The following SNX29 variants were observed in gnomAD, a reference collection of about 807,000 sequenced individuals.
SNX29 encodes the protein sorting nexin-29.
Under a neutral mutation model 102.1 loss-of-function variants are expected in SNX29, and 78 were observed. The ratio of observed to expected loss-of-function variants is 0.76; its 90% CI spans 0.64 to 0.92. The LOEUF is 0.92. Among genes scored for constraint, SNX29 ranks in the 40% least tolerant of loss-of-function variants. The probability of loss-of-function intolerance (pLI) is 0.00; values close to 1 mark genes in which losing one functional copy is unlikely to be tolerated. For synonymous variants in SNX29, 580 were observed against 414.5 expected, an observed-to-expected ratio of 1.40 and a Z score of -4.85; for missense variants, 1,280 against 1,061.7, an observed-to-expected ratio of 1.21 and a Z score of -2.86.
intron 11 of SNX29, among the ~76,000 whole-genome samples, chr16:12,117,371 T>C (rs1641856): frequency 1.3e-4 from 5 of 38,278 alleles, no homozygotes; most frequent in Middle Eastern, 0.013. Context: ...CGTGCTTCAG[T>C]GCGGACGAAC....
At chr16:12,375,354 T>C (rs1007752196) in intron 16 of SNX29, 1 of 152,232 alleles carries the variant, frequency 6.6e-6, no homozygotes, top group Non-Finnish European at 1.5e-5. Flanking sequence ...TGTAACAAAT[T>C]GTCCCAACAC....
chr16:12,568,471 C>A (rs2288422), intron 20 of SNX29, 35 bp from the exon 21 acceptor site: 7 of 1,605,020 alleles, frequency 4.4e-6, no homozygotes, highest in East Asian at 2.2e-5. Flanking sequence ...CTTTTCATCC[C>A]CAGACTTAAC....
intron 15 of SNX29, among the ~76,000 whole-genome samples, chr16:12,313,360 G>C (rs975573141): frequency 7.9e-5 from 12 of 152,168 alleles, no homozygotes; most frequent in African/African-American, 2.7e-4. Flanking sequence ...TGTCTGTGAA[G>C]TAAGGATAAT....
intron 14 of SNX29, among the ~76,000 whole-genome samples, chr16:12,245,229 TG>T (rs2078226221): frequency 6.6e-6 from 1 of 152,222 alleles, no homozygotes; most frequent in African/African-American, 2.4e-5. Flanking sequence ...CTATGAGCTG[TG>T]TGACCTCAGC....
At chr16:12,566,697 G>A (rs2141549942) in intron 20 of SNX29, among the ~76,000 whole-genome samples, 1 of 12,524 alleles carries the variant, frequency 8.0e-5, no homozygotes. Context: ...CTTCGTAAGT[G>A]GGGTCCCCCA....
intron 18 of SNX29, among the ~76,000 whole-genome samples, chr16:12,428,786 T>TA (rs1164705278): frequency 2.0e-5 from 3 of 152,150 alleles, no homozygotes; most frequent in African/African-American, 7.2e-5. Context: ...AATACATAGA[T>TA]ACGATGGCAA....
At chr16:12,358,150 A>C (rs1455759671) in intron 16 of SNX29, among the ~76,000 whole-genome samples, 1 of 152,052 alleles carries the variant, frequency 6.6e-6, no homozygotes, top group African/African-American at 2.4e-5. Context: ...CTTAAACTTT[A>C]CTGAGTTTTG....
chr16:12,552,475 C>T (rs1036462964), intron 20 of SNX29, among the ~76,000 whole-genome samples: 8 of 152,202 alleles, frequency 5.3e-5, no homozygotes, highest in African/African-American at 1.2e-4. Context: ...CATCACCCAA[C>T]GATTGGGCCT....
intron 11 of SNX29, among the ~76,000 whole-genome samples, chr16:12,088,674 A>T (rs35318501): frequency 4.6e-5 from 7 of 152,186 alleles, no homozygotes; most frequent in South Asian, 2.1e-4. Context: ...TGGCCGGGGC[A>T]GTGGCGCACG....
At chr16:12,118,796 T>C (rs1407706921) in intron 11 of SNX29, among the ~76,000 whole-genome samples, 1 of 152,158 alleles carries the variant, frequency 6.6e-6, no homozygotes, top group African/African-American at 2.4e-5. Context: ...GCTCGGACTG[T>C]CTGTGGTCTC....
intron 7 of SNX29, among the ~76,000 whole-genome samples, chr16:12,049,420 C>T (rs574218352): frequency 6.6e-6 from 1 of 151,856 alleles, no homozygotes; most frequent in Non-Finnish European, 1.5e-5. Context: ...GCAACCTCCA[C>T]TTCCCGGGTT....
chr16:12,379,420 G>C lies in SNX29; in HGVS notation c.1900-19026G>C, dbSNP rs142709616. Among the ~76,000 whole-genome samples, 870 of 152,316 alleles carry C rather than the reference G, an allele frequency of 5.7e-3. 5 individuals are homozygous for C. Among genetic ancestry groups the C allele is most frequent in the African/African-American group, 0.02 (829 of 41,564 alleles). ...TTACAGGCGTGAGCCACTATTCCCAGCCATTTTCCTTTCTTTAGGGAAGAA... is the reference window on the plus strand; with the variant it reads ...TTACAGGCGTGAGCCACTATTCCCACCCATTTTCCTTTCTTTAGGGAAGAA... On this transcript the variant is annotated intron_variant, in intron 16 of 20. Coordinates refer to ENST00000566228, the MANE Select transcript of SNX29 (RefSeq NM_032167.5).
intron 15 of SNX29, among the ~76,000 whole-genome samples, chr16:12,315,057 T>C (rs920781552): frequency 3.3e-5 from 5 of 152,252 alleles, no homozygotes; most frequent in African/African-American, 9.6e-5. Context: ...ATCTTAATTA[T>C]GACTTCATGG....
intron 16 of SNX29, among the ~76,000 whole-genome samples, chr16:12,387,241 A>G (rs181457645): frequency 1.5e-3 from 236 of 152,258 alleles, no homozygotes; most frequent in African/African-American, 5.5e-3. Context: ...GGGAAGCAGG[A>G]CTGCGGCAGT....
chr16:12,534,638 A>G (rs1306207448), intron 20 of SNX29, among the ~76,000 whole-genome samples: 4 of 152,170 alleles, frequency 2.6e-5, no homozygotes, highest in Admixed American at 6.5e-5. Flanking sequence ...CATGGGTAAA[A>G]TTCACCTGAA....
At chr16:12,199,116 A>G (rs2076851167) in intron 13 of SNX29, among the ~76,000 whole-genome samples, 1 of 152,214 alleles carries the variant, frequency 6.6e-6, no homozygotes, top group Non-Finnish European at 1.5e-5. Context: ...GTGCTTTGGA[A>G]GGATTCAAGG....
At chr16:11,983,802 G>A (rs2055487996) in intron 1 of SNX29, 1 of 707,624 alleles carries the variant, frequency 1.4e-6, no homozygotes, top group Non-Finnish European at 1.7e-6. Context: ...GGCAATGTGA[G>A]CATATTTCCA....
intron 20 of SNX29, among the ~76,000 whole-genome samples, chr16:12,568,070 C>G (rs1399601124): frequency 6.6e-6 from 1 of 152,134 alleles, no homozygotes; most frequent in Non-Finnish European, 1.5e-5. Flanking sequence ...AGGATTAATT[C>G]CACAGGAAGT....
chr16:12,171,658 C>T (rs1276884926), intron 13 of SNX29, among the ~76,000 whole-genome samples: 1 of 152,262 alleles, frequency 6.6e-6, no homozygotes, highest in African/African-American at 2.4e-5. Context: ...GAGCCACAGG[C>T]AGCCCAGATT....
Sources: allele counts gnomAD v4.1 joint callset (sites outside exome capture counted in the v4.1 genomes callset), GRCh38; gene constraint gnomAD v4.1.1; transcripts MANE v1.5; gene names NCBI Gene and HGNC (gene_info 2026-07-23, HGNC 2026-07-21).